Variants in ACSS3 observed in about 807,000 individuals in gnomAD.
The protein encoded by ACSS3 is acyl-CoA synthetase short chain family member 3, also known as acyl-CoA synthetase short-chain family member 3, mitochondrial.
In ACSS3, 64 loss-of-function variants were observed where a neutral mutation model predicts 84.2. The ratio of observed to expected loss-of-function variants is 0.76; its 90% confidence interval spans 0.62 to 0.94. The LOEUF is 0.94. ACSS3 is among the 40% of genes least tolerant of loss of function. The pLI is 0.00. For synonymous variants in ACSS3, 317 were observed against 310.1 expected (o/e 1.02, Z -0.23); for missense variants, 815 against 867.6 (o/e 0.94, Z 0.76).
At position 81,255,021 on chromosome 12, in the gene ACSS3, C is replaced by A; in HGVS notation, c.*99C>A. On this transcript the variant is annotated 3_prime_UTR_variant, in exon 16 of 16. Transcript: ENST00000548058. Reference sequence around the variant, plus strand: ...GAAATAAATATTTCAGTAGAAATTACTTGCAAAATGAAATGTGAATTGTAA... The same window carrying A: ...GAAATAAATATTTCAGTAGAAATTAATTGCAAAATGAAATGTGAATTGTAA... 9.0e-7 allele frequency: 1 copy of A among 1,110,800 alleles called. No individual in the cohort carries two copies. 68.8% of individuals were successfully genotyped at this position (1,110,800 alleles called of 1,614,324 possible). A position where few individuals can be genotyped will look rare whatever the true frequency, so the allele number is the denominator to read the frequency against.
At position 81,156,203 on chromosome 12, in the gene ACSS3, CA is replaced by C. The variant is rs1565695387; in HGVS notation, c.1098+4108del. 7.6e-5 allele frequency among the ~76,000 whole-genome samples: 10 copies of C among 131,354 alleles called. No individual in the cohort carries two copies. The East Asian group carries it at 1.8e-3, about 23-fold the overall frequency. 86.2% of individuals were successfully genotyped at this position (131,354 alleles called of 152,430 possible). A position where few individuals can be genotyped will look rare whatever the true frequency, so the allele number is the denominator to read the frequency against. On this transcript the variant is annotated intron_variant, in intron 7 of 15. Coordinates refer to ENST00000548058, the MANE Select transcript of ACSS3 (RefSeq NM_024560.4). Reference sequence around the variant, plus strand: ...CCAGGAAAACACACACACACACACACACACCCCACACACACACACACACACA... The same window carrying C: ...CCAGGAAAACACACACACACACACACCACCCCACACACACACACACACACA...
intron 5 of ACSS3, among the ~76,000 whole-genome samples, chr12:81,148,700 G>A (rs1886459173): frequency 1.3e-5 from 2 of 151,974 alleles, no homozygotes; most frequent in South Asian, 4.2e-4. Context: ...ATATTGGCAG[G>A]TTACAGGGTT....
intron 7 of ACSS3, among the ~76,000 whole-genome samples, chr12:81,164,518 A>G (rs1374347912): frequency 6.6e-6 from 1 of 152,218 alleles, no homozygotes; most frequent in Non-Finnish European, 1.5e-5. Flanking sequence ...CCAAATATGC[A>G]AGTCTCATAT....
chr12:81,082,748 C>T (rs1214936929), intron 1 of ACSS3, among the ~76,000 whole-genome samples: 2 of 152,158 alleles, frequency 1.3e-5, no homozygotes, highest in Non-Finnish European at 2.9e-5. Flanking sequence ...TTCTTCTTCA[C>T]TGGGTCAATA....
chr12:81,163,820 C>T (rs1887272934), intron 7 of ACSS3, among the ~76,000 whole-genome samples: 1 of 152,052 alleles, frequency 6.6e-6, no homozygotes, highest in Non-Finnish European at 1.5e-5. Flanking sequence ...ATAGAATGAA[C>T]ATGTAAACAA....
chr12:81,132,546 T>C (rs1312861182), intron 2 of ACSS3, among the ~76,000 whole-genome samples: 1 of 150,638 alleles, frequency 6.6e-6, no homozygotes, highest in African/African-American at 2.5e-5. Flanking sequence ...TTGCTAGCAG[T>C]CTATCTATTT....
rs570996282 is a variant in ACSS3, at chr12:81,165,678, C to T, written c.1099-9110C>T. Among the ~76,000 whole-genome samples the T allele has an allele frequency of 1.8e-3, 276 of 151,912 alleles. 1 individual carries two copies. Among genetic ancestry groups the T allele is most frequent in the African/African-American group, 6.2e-3 (256 of 41,426 alleles). ...AAAAAAAAAAGATTAATATAAAGTA[C>T]AGAAAGCAAACAAATCAAGACACAC... On this transcript the variant is annotated intron_variant, in intron 7 of 15. Coordinates refer to ENST00000548058, the MANE Select transcript of ACSS3 (RefSeq NM_024560.4).
chr12:81,251,846 CAAAT>C (rs1208013478), intron 13 of ACSS3, among the ~76,000 whole-genome samples: 1 of 151,748 alleles, frequency 6.6e-6, no homozygotes, highest in Non-Finnish European at 1.5e-5. Flanking sequence ...TTGTCTCAAA[CAAAT>C]AAACATACAA....
At chr12:81,172,682 A>G (rs1199817370) in intron 7 of ACSS3, among the ~76,000 whole-genome samples, 1 of 152,176 alleles carries the variant, frequency 6.6e-6, no homozygotes, top group Non-Finnish European at 1.5e-5. Context: ...ATAATTATCT[A>G]AAACATTGCT....
At chr12:81,232,522 A>G (rs1345394639) in intron 12 of ACSS3, among the ~76,000 whole-genome samples, 1 of 151,754 alleles carries the variant, frequency 6.6e-6, no homozygotes, top group African/African-American at 2.4e-5. Flanking sequence ...TCTAATATTA[A>G]TAAAAGTATT....
At chr12:81,172,525 A>G (rs2030151081) in intron 7 of ACSS3, among the ~76,000 whole-genome samples, 1 of 151,668 alleles carries the variant, frequency 6.6e-6, no homozygotes, top group South Asian at 2.1e-4. Flanking sequence ...AGTCCCAGCT[A>G]CTCGGGAGGC....
intron 7 of ACSS3, among the ~76,000 whole-genome samples, chr12:81,159,933 C>T (rs1340940111): frequency 6.6e-6 from 1 of 152,188 alleles, no homozygotes; most frequent in Non-Finnish European, 1.5e-5. Flanking sequence ...CTTTCCGTGT[C>T]CTGCCTTTCT....
At chr12:81,221,385 C>A (rs751846205) in intron 11 of ACSS3, among the ~76,000 whole-genome samples, 26 of 151,990 alleles carry the variant, frequency 1.7e-4, no homozygotes, top group Non-Finnish European at 3.7e-4. Context: ...CATTACTTGG[C>A]ATTCTGAGAT....
intron 8 of ACSS3, among the ~76,000 whole-genome samples, chr12:81,179,490 A>G (rs978424953): frequency 1.3e-5 from 2 of 151,964 alleles, no homozygotes; most frequent in South Asian, 4.1e-4. Flanking sequence ...ACAAACAAAA[A>G]CCAAACAACC....
At chr12:81,186,686 A>G (rs189872610) in intron 8 of ACSS3, among the ~76,000 whole-genome samples, 150 of 151,942 alleles carry the variant, frequency 9.9e-4, no homozygotes, top group African/African-American at 3.5e-3. Context: ...TTAGATGGCT[A>G]TTATCAAAAA....
intron 11 of ACSS3, among the ~76,000 whole-genome samples, chr12:81,224,688 A>G (rs981473255): frequency 4.0e-5 from 6 of 151,798 alleles, no homozygotes; most frequent in African/African-American, 1.5e-4. Context: ...AAGTTATTAA[A>G]TGGAAGATTT....
At chr12:81,215,521 A>G (rs1294568052) in intron 9 of ACSS3, among the ~76,000 whole-genome samples, 1 of 152,184 alleles carries the variant, frequency 6.6e-6, no homozygotes, top group East Asian at 1.9e-4. Context: ...AAGTGATATC[A>G]ATATGTGATA....
At chr12:81,173,589 C>T (rs1465274484) in intron 7 of ACSS3, among the ~76,000 whole-genome samples, 1 of 152,024 alleles carries the variant, frequency 6.6e-6, no homozygotes, top group Non-Finnish European at 1.5e-5. Flanking sequence ...CTATCTTATA[C>T]CTCATTTATA....
chr12:81,197,174 G>A (rs572616431), intron 8 of ACSS3, among the ~76,000 whole-genome samples: 35 of 152,098 alleles, frequency 2.3e-4, no homozygotes, highest in Admixed American at 9.8e-4. Flanking sequence ...TTCTATAGAT[G>A]AAAATTACCA....
Sources: gnomAD v4.1 joint callset for allele counts (sites outside exome capture counted in the v4.1 genomes callset) on GRCh38, gnomAD v4.1.1 for gene constraint, MANE v1.5 for transcripts, NCBI Gene and HGNC (gene_info 2026-07-23, HGNC 2026-07-21) for gene names.